Variants in PRMT8 observed in about 807,000 individuals in gnomAD.
PRMT8 encodes protein arginine methyltransferase 8, also known as protein arginine N-methyltransferase 8.
A neutral mutation model predicts 47.1 loss-of-function variants in PRMT8; 7 were observed. That is an observed-to-expected ratio of 0.15 (90% CI 0.08 to 0.28). PRMT8 has a LOEUF of 0.28. Among genes scored for constraint, PRMT8 ranks in the 10% least tolerant of loss-of-function variants. The pLI, the probability that PRMT8 is intolerant of heterozygous loss-of-function variation, is 1.00. For missense variants in PRMT8, 237 were observed against 505.4 expected, an observed-to-expected ratio of 0.47 and a Z score of 5.09; for synonymous variants, 188 against 186.5, an observed-to-expected ratio of 1.01 and a Z score of -0.07.
At chr12:3,582,314 G>A (rs146336992) in intron 7 of PRMT8, among the ~76,000 whole-genome samples, 49 of 152,294 alleles carry the variant, frequency 3.2e-4, no homozygotes, top group African/African-American at 1.2e-3. Context: ...ATTCTTAAGA[G>A]TTATTAGTTC....
Position 3,583,002 on chromosome 12 carries a change from A to T in PRMT8, c.829-56A>T. On this transcript the variant is annotated intron_variant, in intron 7 of 9. Coordinates refer to ENST00000382622, the MANE Select transcript of PRMT8 (RefSeq NM_019854.5). The surrounding 1 kb of genome is among the most constrained non-coding windows in gnomAD (Gnocchi z 4.7). ...TCACAGAACGAGGCTGCTGACCGGG[A>T]CCCAGACTTGGTGGAGGCGATAAGT... 6.3e-7 allele frequency: 1 copy of T among 1,584,292 alleles called. No individual in the cohort carries two copies. The highest frequency in any genetic ancestry group is 8.6e-7 in the Non-Finnish European group (1 of 1,163,284).
intron 1 of PRMT8, among the ~76,000 whole-genome samples, chr12:3,524,315 G>C (rs1453211068): frequency 1.3e-5 from 2 of 152,180 alleles, no homozygotes; most frequent in African/African-American, 4.8e-5. Context: ...AACGCATACA[G>C]TGGTCCATTT....
intron 1 of PRMT8, among the ~76,000 whole-genome samples, chr12:3,420,667 C>T (rs761594624): frequency 3.9e-5 from 6 of 152,204 alleles, no homozygotes; most frequent in African/African-American, 1.2e-4. Flanking sequence ...GCGGTCACCA[C>T]GGTGTCCAGC....
intron 2 of PRMT8, among the ~76,000 whole-genome samples, chr12:3,547,722 T>G (rs1866349519): frequency 6.6e-6 from 1 of 152,222 alleles, no homozygotes; most frequent in East Asian, 1.9e-4. Context: ...ATGTAAGACC[T>G]TTATATAAAA....
Position 3,566,342 on chromosome 12 carries a change from G to A in PRMT8, c.482-2364G>A, listed in dbSNP as rs1240056453. ...CCTGCCCTGGGGTCTCTGAGACCCA[G>A]AGAAACTTCAACACCTACCCCTCCC... is the stretch of plus-strand genomic sequence containing the variant. On this transcript the variant is annotated intron_variant, in intron 4 of 9. Transcript: ENST00000382622. The surrounding 1 kb of genome is among the most constrained non-coding windows in gnomAD (Gnocchi z 4.7). 6.6e-6 allele frequency among the ~76,000 whole-genome samples: 1 copy of A among 152,170 alleles called. No homozygotes were observed. Among genetic ancestry groups the A allele is most frequent in the Non-Finnish European group, 1.5e-5 (1 of 68,028 alleles).
In PRMT8 at chr12:3,492,921, G is replaced by T. The variant is rs925660868; in HGVS notation, c.75+1221G>T. Among the ~76,000 whole-genome samples, 9 of 152,030 alleles carry T rather than the reference G, an allele frequency of 5.9e-5. No individual in the cohort carries two copies. Among genetic ancestry groups the T allele is most frequent in the East Asian group, 5.8e-4 (3 of 5,156 alleles). ...TATGCAGCGGGGGGCGGGGATGGGG[G>T]TGTGGCGCGGGGATTGTCCCTCTGT... On this transcript the variant is annotated intron_variant, in intron 1 of 9. Coordinates refer to ENST00000382622, the MANE Select transcript of PRMT8 (RefSeq NM_019854.5). The surrounding 1 kb of genome is among the most constrained non-coding windows in gnomAD (Gnocchi z 7.5).
rs141163403 is a variant in PRMT8 at position 3,442,953 on chromosome 12, G to A, written c.48+61511G>A. Among the ~76,000 whole-genome samples the A allele has an allele frequency of 4.4e-3, 663 of 152,154 alleles. 7 individuals are homozygous for A. The highest frequency in any genetic ancestry group is 0.015 in the African/African-American group (638 of 41,510). The stretch of plus-strand genomic sequence containing the variant: ...ATTATAGGTGTGAGCCACCACGCCC[G>A]GCCTTATTTGTACTTTTCTATGTCC... On this transcript the variant is annotated intron_variant, in intron 1 of 9. Transcript: ENST00000452611.
At chr12:3,446,981 T>C (rs376289749) in intron 1 of PRMT8, among the ~76,000 whole-genome samples, 1 of 152,198 alleles carries the variant, frequency 6.6e-6, no homozygotes, top group African/African-American at 2.4e-5. Flanking sequence ...ATCCCCTTTA[T>C]GAACCATGTG....
At chr12:3,523,935 T>G (rs1865917471) in intron 1 of PRMT8, among the ~76,000 whole-genome samples, 1 of 152,220 alleles carries the variant, frequency 6.6e-6, no homozygotes, top group African/African-American at 2.4e-5. Flanking sequence ...ACACACATCC[T>G]AAACGTTACT....
chr12:3,565,629 G>T (rs1866706670), intron 4 of PRMT8, among the ~76,000 whole-genome samples: 1 of 152,160 alleles, frequency 6.6e-6, no homozygotes, highest in Non-Finnish European at 1.5e-5. Context: ...CTTTTTGCAA[G>T]CAGAGATTGT....
At chr12:3,454,240 C>A (rs1451388812) in intron 1 of PRMT8, among the ~76,000 whole-genome samples, 5 of 152,044 alleles carry the variant, frequency 3.3e-5, no homozygotes. Flanking sequence ...GAAGCCGCTT[C>A]TTCTGACTCC....
intron 1 of PRMT8, among the ~76,000 whole-genome samples, chr12:3,494,146 G>T (rs940487144): frequency 5.3e-5 from 8 of 152,114 alleles, no homozygotes; most frequent in African/African-American, 1.9e-4. Flanking sequence ...GCGTGGTAGT[G>T]GTCCTAGTTC....
At chr12:3,573,253 T>G (rs1376584190) in intron 6 of PRMT8, among the ~76,000 whole-genome samples, 4 of 152,226 alleles carry the variant, frequency 2.6e-5, no homozygotes, top group Admixed American at 6.5e-5. Flanking sequence ...CCCTGATATA[T>G]TCATTCTGTT....
At chr12:3,578,601 G>C (rs867334189) in intron 7 of PRMT8, among the ~76,000 whole-genome samples, 2 of 152,128 alleles carry the variant, frequency 1.3e-5, no homozygotes, top group Non-Finnish European at 2.9e-5. Flanking sequence ...GCTCCTGCAC[G>C]CATCATTCTT....
chr12:3,418,332 G>GT (rs1198389767), intron 1 of PRMT8, among the ~76,000 whole-genome samples: 1 of 152,250 alleles, frequency 6.6e-6, no homozygotes, highest in Non-Finnish European at 1.5e-5. Flanking sequence ...ATTGCAAGGT[G>GT]TTTTAGAGGC....
At chr12:3,471,817 C>T (rs1052155539) in intron 1 of PRMT8, among the ~76,000 whole-genome samples, 13 of 151,826 alleles carry the variant, frequency 8.6e-5, no homozygotes, top group African/African-American at 2.9e-4. Flanking sequence ...AGGCGCCCGT[C>T]CCTGGTGGAA....
chr12:3,572,431 A>G lies in PRMT8; in HGVS notation c.712+2867A>G, dbSNP rs1465055898. 6.6e-6 allele frequency among the ~76,000 whole-genome samples: 1 copy of G among 152,246 alleles called. No homozygotes were observed. The highest frequency in any genetic ancestry group is 1.5e-5 in the Non-Finnish European group (1 of 68,044). On this transcript the variant is annotated intron_variant, in intron 6 of 9. Coordinates refer to ENST00000382622, the MANE Select transcript of PRMT8 (RefSeq NM_019854.5). This position sits in a 1 kb window ranked among gnomAD's most constrained non-coding sequence, Gnocchi z 5.9. ...CATGCACAACCCATGAATTGTACCC[A>G]GTGCATGAATCTACACCCTGCTGAG...
At chr12:3,427,535 G>A (rs1385705820) in intron 1 of PRMT8, among the ~76,000 whole-genome samples, 2 of 151,094 alleles carry the variant, frequency 1.3e-5, no homozygotes, top group South Asian at 2.1e-4. Flanking sequence ...TTCTTATGCC[G>A]TCTTGTAATT....
In PRMT8 at chr12:3,572,836, A is replaced by C. The variant is rs1285756898; in HGVS notation, c.712+3272A>C. On this transcript the variant is annotated intron_variant, in intron 6 of 9. Transcript: ENST00000382622. The surrounding 1 kb of genome is among the most constrained non-coding windows in gnomAD (Gnocchi z 5.9). ...GTTGGGGCTGGGGTGGTGAGGGAGGATGTAGCTACAGCTCTCTGCAATCAG... is the reference window on the plus strand; with the variant it reads ...GTTGGGGCTGGGGTGGTGAGGGAGGCTGTAGCTACAGCTCTCTGCAATCAG... Among the ~76,000 whole-genome samples, 2 of 152,148 alleles carry C rather than the reference A, an allele frequency of 1.3e-5. No homozygotes were observed. The highest frequency in any genetic ancestry group is 2.4e-5 in the African/African-American group (1 of 41,432).
Sources: gnomAD v4.1 joint callset for allele counts (sites outside exome capture counted in the v4.1 genomes callset) on GRCh38, gnomAD v4.1.1 for gene constraint, Gnocchi (gnomAD v3.1) non-coding constraint, MANE v1.5 for transcripts, NCBI Gene and HGNC (gene_info 2026-07-23, HGNC 2026-07-21) for gene names.